The following PIK3R1 variants were observed in gnomAD, a reference collection of about 807,000 sequenced individuals.
The protein encoded by PIK3R1 is phosphoinositide-3-kinase regulatory subunit 1.
PIK3R1 carries 29 observed loss-of-function variants against 98.0 expected under a neutral mutation model. The observed-to-expected ratio is 0.30, with a 90% CI of 0.22 to 0.40. The LOEUF (loss-of-function observed/expected upper bound fraction) is 0.40. Ranked by LOEUF, PIK3R1 falls within the 10% of genes least tolerant of loss-of-function variation. The probability of loss-of-function intolerance (pLI) is 1.00; values close to 1 mark genes in which losing one functional copy is unlikely to be tolerated. For missense variants in PIK3R1, 596 were observed against 872.7 expected, an observed-to-expected ratio of 0.68 and a Z score of 3.99; for synonymous variants, 282 against 311.8, an observed-to-expected ratio of 0.90 and a Z score of 1.01.
chr5:68,240,505 T>G (rs1047335378), intron 2 of PIK3R1, among the ~76,000 whole-genome samples: 2 of 152,248 alleles, frequency 1.3e-5, no homozygotes, highest in African/African-American at 2.4e-5. Flanking sequence ...TCTCCAGCCC[T>G]TCTGTGATTG....
intron 6 of PIK3R1, 82 bp downstream of exon 6, chr5:68,280,811 A>G (rs1180272208): frequency 7.7e-7 from 1 of 1,305,730 alleles, no homozygotes. Context: ...TATTCTGAAT[A>G]TACTACTCCA....
At chr5:68,240,256 A>T (rs1442090765) in intron 2 of PIK3R1, among the ~76,000 whole-genome samples, 1 of 152,218 alleles carries the variant, frequency 6.6e-6, no homozygotes, top group African/African-American at 2.4e-5. Context: ...GTACTGTTCT[A>T]CTAAAAGCAG....
chr5:68,272,156 G>T (rs7713756), intron 2 of PIK3R1, among the ~76,000 whole-genome samples: 30,893 of 151,192 alleles, frequency 0.2, 3,256 homozygotes, highest in South Asian at 0.22. Context: ...AGGAGGCTGG[G>T]GGGGGAGGAT....
rs541684087 is a variant in PIK3R1, at chr5:68,273,196, G to A, written c.335-194G>A. Reference sequence around the variant, plus strand: ...AGAGGCCATTTAGCAGGAAATCCTGGAGCATTACTCTGAGTAGACCCTAGG... The same window carrying A: ...AGAGGCCATTTAGCAGGAAATCCTGAAGCATTACTCTGAGTAGACCCTAGG... On this transcript the variant is annotated intron_variant, in intron 2 of 15. Coordinates refer to ENST00000521381, the MANE Select transcript of PIK3R1 (RefSeq NM_181523.3). 7.9e-5 allele frequency among the ~76,000 whole-genome samples: 12 copies of A among 152,278 alleles called. No homozygotes were observed. In the South Asian group the frequency reaches 2.5e-3, roughly 32 times the overall value.
In PIK3R1 at chr5:68,299,265, A is replaced by C. The variant is rs1747906321; in HGVS notation, c.*1664A>C. On this transcript the variant is annotated 3_prime_UTR_variant, in exon 16 of 16. Transcript: ENST00000521381. ...TGATCTGAAAAATACTTTTGGTGGT[A>C]TGTTGGTTACCCTCCTAGCTTTCCA... The C allele has an allele frequency of 2.1e-5, 5 of 233,424 alleles. No individual in the cohort carries two copies. In the South Asian group the frequency reaches 9.0e-4, roughly 42 times the overall value. The allele number at this position is 233,424 out of a possible 1,614,324, so 14.5% of individuals were successfully genotyped here.
At chr5:68,262,595 G>GCATGTATACA (rs1226334289) in intron 2 of PIK3R1, among the ~76,000 whole-genome samples, 3 of 129,512 alleles carry the variant, frequency 2.3e-5, no homozygotes, top group East Asian at 2.3e-4. Flanking sequence ...ACATGTATCT[G>GCATGTATACA]CATGTATACA....
intron 2 of PIK3R1, among the ~76,000 whole-genome samples, chr5:68,227,614 G>A (rs1424372864): frequency 6.6e-6 from 1 of 152,182 alleles, no homozygotes; most frequent in Admixed American, 6.5e-5. Flanking sequence ...GAAAAATGTA[G>A]AGAGTAATAA....
In PIK3R1 at chr5:68,227,326, C is replaced by T. The variant is rs141748572; in HGVS notation, c.334+317C>T. Among the ~76,000 whole-genome samples, 963 of 152,196 alleles carry T rather than the reference C, an allele frequency of 6.3e-3. 5 individuals carry two copies. Among genetic ancestry groups the T allele is most frequent in the Non-Finnish European group, 9.9e-3 (673 of 68,010 alleles). ...TTATTTTTGTAATTGGCATTATAGG[C>T]GGAGTATTCCTAGTCTGAAAATATG... On this transcript the variant is annotated intron_variant, in intron 2 of 15. Coordinates refer to ENST00000521381, the MANE Select transcript of PIK3R1 (RefSeq NM_181523.3).
chr5:68,225,059 A>G (rs923491362), intron 1 of PIK3R1, among the ~76,000 whole-genome samples: 1 of 152,240 alleles, frequency 6.6e-6, no homozygotes, highest in African/African-American at 2.4e-5. Context: ...GCGAAGCCCC[A>G]AATTATTTAG....
chr5:68,296,463 C>A, intron 15 of PIK3R1, 122 bp downstream of exon 15: 1 of 897,456 alleles, frequency 1.1e-6, no homozygotes, highest in Non-Finnish European at 1.7e-6. Flanking sequence ...GCTTACAGTA[C>A]AATAATGTAG....
At chr5:68,254,099 G>A (rs251399) in intron 2 of PIK3R1, among the ~76,000 whole-genome samples, 101,776 of 151,526 alleles carry the variant, frequency 0.67, 34,553 homozygotes, top group African/African-American at 0.77. Flanking sequence ...CTCGAATGTT[G>A]TATAAATCAG....
chr5:68,235,401 AAAATAAAT>A (rs145734363), intron 2 of PIK3R1, among the ~76,000 whole-genome samples: 20,342 of 145,268 alleles, frequency 0.14, 1,540 homozygotes, highest in African/African-American at 0.2. Context: ...AAAGTGTCTC[AAAATAAAT>A]AAATAAATAA....
chr5:68,273,707 T>G (rs777162948), intron 3 of PIK3R1: 173 of 592,884 alleles, frequency 2.9e-4, no homozygotes, highest in Non-Finnish European at 7.2e-5. Flanking sequence ...AACTATTAAA[T>G]TCTTCATAAT....
chr5:68,273,843 C>T (rs1746463883), intron 3 of PIK3R1, 96 bp from the exon 4 acceptor site: 1 of 907,660 alleles, frequency 1.1e-6, no homozygotes, highest in African/African-American at 1.6e-5. Context: ...AGAACAGATA[C>T]TGGATGGAAA....
At chr5:68,237,154 G>A (rs1218084146) in intron 2 of PIK3R1, among the ~76,000 whole-genome samples, 2 of 152,154 alleles carry the variant, frequency 1.3e-5, no homozygotes, top group African/African-American at 2.4e-5. Flanking sequence ...TTGCTTAAAA[G>A]CCAAAAACTT....
chr5:68,256,405 T>C (rs1745516217), intron 2 of PIK3R1, among the ~76,000 whole-genome samples: 1 of 152,084 alleles, frequency 6.6e-6, no homozygotes, highest in Non-Finnish European at 1.5e-5. Flanking sequence ...AATCTTTTTG[T>C]ATTTTTAGTA....
Position 68,273,488 on chromosome 5 carries a change from C to T in PIK3R1, c.427+6C>T. The stretch of plus-strand genomic sequence containing the variant: ...GGAAGCCATTGAAAAGAAAGGTAAC[C>T]AGACTGCTAGAGGGCATCAGTTCCT... On this transcript the variant is annotated splice_donor_region_variant and intron_variant, in intron 3 of 15. Transcript: ENST00000521381. 1 of 1,609,980 alleles carries T rather than the reference C, an allele frequency of 6.2e-7. No individual in the cohort carries two copies.
chr5:68,287,669 G>A (rs1747135800), intron 7 of PIK3R1, among the ~76,000 whole-genome samples: 1 of 152,184 alleles, frequency 6.6e-6, no homozygotes, highest in Non-Finnish European at 1.5e-5. Context: ...GCTTAGAAAG[G>A]TATGCCCTTC....
chr5:68,267,758 T>C (rs925982797), intron 2 of PIK3R1, among the ~76,000 whole-genome samples: 30 of 131,424 alleles, frequency 2.3e-4, no homozygotes, highest in African/African-American at 1.0e-3. Flanking sequence ...ATATCTCAAA[T>C]ATATTAGTAT....
Sources: allele counts gnomAD v4.1 joint callset (sites outside exome capture counted in the v4.1 genomes callset), GRCh38; gene constraint gnomAD v4.1.1; transcripts MANE v1.5; gene names NCBI Gene and HGNC (gene_info 2026-07-23, HGNC 2026-07-21).